The following SUGCT variants were observed in gnomAD, a reference collection of about 807,000 sequenced individuals.
SUGCT encodes succinyl-CoA:glutarate-CoA transferase.
Under a neutral mutation model 55.0 loss-of-function variants are expected in SUGCT, and 41 were observed. That is an observed-to-expected ratio of 0.74 (90% CI 0.58 to 0.97). The LOEUF (loss-of-function observed/expected upper bound fraction) is 0.97, where lower values mean the gene tolerates loss of function less well. SUGCT is among the 50% of genes least tolerant of loss of function. The probability of loss-of-function intolerance (pLI) is 0.00; values close to 1 mark genes in which losing one functional copy is unlikely to be tolerated. For synonymous variants in SUGCT, 187 were observed against 200.4 expected, an observed-to-expected ratio of 0.93 and a Z score of 0.56; for missense variants, 568 against 547.8, an observed-to-expected ratio of 1.04 and a Z score of -0.37.
chr7:40,763,405 C>T (rs576693453), intron 13 of SUGCT, among the ~76,000 whole-genome samples: 1 of 152,298 alleles, frequency 6.6e-6, no homozygotes, highest in East Asian at 1.9e-4. Context: ...TTTGCATTCA[C>T]TTCTGAGTTA....
At chr7:40,481,706 C>T (rs868163098) in intron 11 of SUGCT, among the ~76,000 whole-genome samples, 1 of 151,992 alleles carries the variant, frequency 6.6e-6, no homozygotes, top group Non-Finnish European at 1.5e-5. Context: ...CGAGATGCCC[C>T]CTTTTTCCCT....
chr7:40,438,728 G>T (rs547862222), intron 9 of SUGCT, among the ~76,000 whole-genome samples: 1 of 151,844 alleles, frequency 6.6e-6, no homozygotes, highest in Non-Finnish European at 1.5e-5. Flanking sequence ...AATTCGCTGC[G>T]TATGATTTGA....
intron 12 of SUGCT, among the ~76,000 whole-genome samples, chr7:40,722,103 T>C (rs1022477301): frequency 6.6e-6 from 1 of 152,086 alleles, no homozygotes; most frequent in Non-Finnish European, 1.5e-5. Flanking sequence ...AATGATTTCG[T>C]CCACCACAAA....
the SUGCT span, among the ~76,000 whole-genome samples, chr7:40,916,689 T>C: frequency 1.2e-4 from 18 of 152,348 alleles, no homozygotes; most frequent in African/African-American, 4.3e-4. Context: ...AAAAACAACT[T>C]TATGTATGTG....
At chr7:40,445,634 C>G (rs1190051275) in intron 9 of SUGCT, among the ~76,000 whole-genome samples, 1 of 152,098 alleles carries the variant, frequency 6.6e-6, no homozygotes, top group Non-Finnish European at 1.5e-5. Flanking sequence ...GGAATCCTCC[C>G]TAACTCATTT....
chr7:40,962,511 C>T, the SUGCT span, among the ~76,000 whole-genome samples: 1 of 151,134 alleles, frequency 6.6e-6, no homozygotes, highest in African/African-American at 2.4e-5. Flanking sequence ...GTTCAATAGA[C>T]TGTGCTCACC....
chr7:40,613,029 A>G (rs1798835095), intron 12 of SUGCT, among the ~76,000 whole-genome samples: 3 of 152,086 alleles, frequency 2.0e-5, no homozygotes, highest in East Asian at 3.9e-4. Flanking sequence ...GTTACTAGGG[A>G]GACTGAGGCA....
At chr7:40,566,553 A>G (rs1178745371) in intron 12 of SUGCT, among the ~76,000 whole-genome samples, 4 of 152,230 alleles carry the variant, frequency 2.6e-5, no homozygotes, top group Non-Finnish European at 4.4e-5. Context: ...GCTTCCATCA[A>G]CTTCAGTTCT....
chr7:40,324,267 A>ATATATATATATATATATATT (rs1562681224), intron 9 of SUGCT, among the ~76,000 whole-genome samples: 1 of 145,618 alleles, frequency 6.9e-6, no homozygotes, highest in African/African-American at 2.5e-5. Flanking sequence ...ATATATATTT[A>ATATATATATATATATATATT]TTTTTTGAGA....
At chr7:40,569,166 T>G (rs186282757) in intron 12 of SUGCT, among the ~76,000 whole-genome samples, 2 of 152,050 alleles carry the variant, frequency 1.3e-5, no homozygotes, top group African/African-American at 4.8e-5. Flanking sequence ...AAATATGAAT[T>G]AAGGGGGATG....
chr7:40,675,909 G>C (rs976004737), intron 12 of SUGCT, among the ~76,000 whole-genome samples: 1 of 152,216 alleles, frequency 6.6e-6, no homozygotes, highest in Non-Finnish European at 1.5e-5. Flanking sequence ...ATATGAACAA[G>C]TATAGACAAG....
chr7:40,147,569 A>G (rs1584176790), intron 1 of SUGCT, among the ~76,000 whole-genome samples: 1 of 152,186 alleles, frequency 6.6e-6, no homozygotes, highest in South Asian at 2.1e-4. Flanking sequence ...CCAAGGAAAT[A>G]CTTTACCCGC....
chr7:40,391,446 A>T (rs1160198735), intron 9 of SUGCT, among the ~76,000 whole-genome samples: 1 of 152,184 alleles, frequency 6.6e-6, no homozygotes, highest in Non-Finnish European at 1.5e-5. Flanking sequence ...AGAAAAAATC[A>T]AACAACCCCA....
intron 12 of SUGCT, among the ~76,000 whole-genome samples, chr7:40,567,968 G>A (rs1286208565): frequency 6.6e-6 from 1 of 152,152 alleles, no homozygotes; most frequent in African/African-American, 2.4e-5. Flanking sequence ...TTACATGAGG[G>A]CTTATTAGAC....
intron 12 of SUGCT, among the ~76,000 whole-genome samples, chr7:40,711,176 T>C (rs1386769495): frequency 6.6e-6 from 1 of 152,176 alleles, no homozygotes; most frequent in Admixed American, 6.5e-5. Context: ...AGAGGACAAC[T>C]TTTCTTCAGA....
chr7:40,509,119 CT>C lies in SUGCT; in HGVS notation c.1089+12734del, dbSNP rs554102689. Among the ~76,000 whole-genome samples the C allele has an allele frequency of 3.8e-3, 574 of 152,214 alleles. 3 individuals carry two copies. The highest frequency in any genetic ancestry group is 0.013 in the African/African-American group (535 of 41,536). On this transcript the variant is annotated intron_variant, in intron 12 of 13. Coordinates refer to ENST00000335693, the MANE Select transcript of SUGCT (RefSeq NM_001193313.2). ...CTGGACTAACAAAGTCCGTTGATTTCTAGTATCTTTCATAGGGCTTAGGAAT... is the reference window on the plus strand; with the variant it reads ...CTGGACTAACAAAGTCCGTTGATTTCAGTATCTTTCATAGGGCTTAGGAAT...
At chr7:40,173,424 C>T (rs1297928291) in intron 1 of SUGCT, among the ~76,000 whole-genome samples, 4 of 152,178 alleles carry the variant, frequency 2.6e-5, no homozygotes, top group Admixed American at 6.5e-5. Context: ...ATAACAAACA[C>T]GGACCAGAAG....
At position 40,188,595 on chromosome 7, in the gene SUGCT, C is replaced by G; in HGVS notation, c.312+15C>G. 6.4e-7 allele frequency: 1 copy of G among 1,563,776 alleles called. No individual in the cohort carries two copies. The highest frequency in any genetic ancestry group is 8.7e-7 in the Non-Finnish European group (1 of 1,150,832). Reference sequence around the variant, plus strand: ...GAAATAAAAAAGTAAGAATATCATCCCTTTTTTGCTTTTTGTGTGTAATTC... The same window carrying G: ...GAAATAAAAAAGTAAGAATATCATCGCTTTTTTGCTTTTTGTGTGTAATTC... On this transcript the variant is annotated intron_variant, in intron 4 of 13. Transcript: ENST00000335693.
the SUGCT span, among the ~76,000 whole-genome samples, chr7:40,942,042 C>A: frequency 2.6e-5 from 4 of 152,128 alleles, no homozygotes; most frequent in African/African-American, 9.6e-5. Flanking sequence ...TTTTTAAGTG[C>A]AGCATTTAGA....
Sources: allele counts gnomAD v4.1 joint callset (sites outside exome capture counted in the v4.1 genomes callset), GRCh38; gene constraint gnomAD v4.1.1; transcripts MANE v1.5; gene names NCBI Gene and HGNC (gene_info 2026-07-23, HGNC 2026-07-21).